The following DLG2 variants were observed in gnomAD, a reference collection of about 807,000 sequenced individuals.
DLG2 encodes discs large MAGUK scaffold protein 2.
DLG2 carries 45 observed loss-of-function variants against 132.5 expected under a neutral mutation model. That is an observed-to-expected ratio of 0.34 (90% CI 0.27 to 0.44). The LOEUF (loss-of-function observed/expected upper bound fraction) is 0.44, where lower values mean the gene tolerates loss of function less well. Among genes scored for constraint, DLG2 ranks in the 20% least tolerant of loss-of-function variants. The pLI is 1.00. For missense variants in DLG2, 1,045 were observed against 1,196.9 expected, an observed-to-expected ratio of 0.87 and a Z score of 1.87; for synonymous variants, 424 against 419.6, an observed-to-expected ratio of 1.01 and a Z score of -0.13.
intron 12 of DLG2, among the ~76,000 whole-genome samples, chr11:83,979,216 G>A (rs886977175): frequency 1.3e-5 from 2 of 152,086 alleles, no homozygotes; most frequent in East Asian, 3.9e-4. Context: ...AAAGCTGAGG[G>A]AAGTAGGCAA....
At chr11:84,393,802 CTTAGTCAA>C (rs1378341224) in intron 7 of DLG2, among the ~76,000 whole-genome samples, 1 of 152,134 alleles carries the variant, frequency 6.6e-6, no homozygotes, top group East Asian at 1.9e-4. Flanking sequence ...AAATTCTAAA[CTTAGTCAA>C]TTTTACTCTC....
At chr11:83,905,005 T>C (rs1050348325) in intron 15 of DLG2, among the ~76,000 whole-genome samples, 2 of 152,196 alleles carry the variant, frequency 1.3e-5, no homozygotes, top group South Asian at 2.1e-4. Context: ...AGGTCCTTCA[T>C]TGTTCTTGAC....
rs572657772 is a variant in DLG2 at position 83,909,844 on chromosome 11, G to T, written c.1496+20484C>A. Among the ~76,000 whole-genome samples the T allele has an allele frequency of 3.0e-4, 45 of 152,208 alleles. No individual in the cohort carries two copies. In the South Asian group the frequency reaches 8.7e-3, roughly 29 times the overall value. On this transcript the variant is annotated intron_variant, in intron 15 of 27. Transcript: ENST00000376104. The stretch of plus-strand genomic sequence containing the variant: ...TTATCTTCTGTTCCAATCTTCCTCT[G>T]AGACATTTGATACAGGTCAATACAA...
intron 1 of DLG2, among the ~76,000 whole-genome samples, chr11:85,626,955 T>C (rs1488352440): frequency 6.6e-6 from 1 of 152,200 alleles, no homozygotes; most frequent in African/African-American, 2.4e-5. Flanking sequence ...AGCAACATTT[T>C]TGGAAGTTCA....
chr11:83,473,028 CTTCT>C (rs1197813451), intron 22 of DLG2, among the ~76,000 whole-genome samples: 1 of 152,090 alleles, frequency 6.6e-6, no homozygotes, highest in African/African-American at 2.4e-5. Context: ...ACCTGTGAGA[CTTCT>C]TTCTGTCTGG....
chr11:84,323,461 T>C (rs530630747), intron 7 of DLG2, among the ~76,000 whole-genome samples: 2 of 152,314 alleles, frequency 1.3e-5, no homozygotes, highest in Admixed American at 1.3e-4. Context: ...ATTTAGGTTG[T>C]TTCTACCTCT....
chr11:84,445,311 C>T (rs2099030259), intron 7 of DLG2, among the ~76,000 whole-genome samples: 1 of 152,076 alleles, frequency 6.6e-6, no homozygotes. Flanking sequence ...AATAGTCTTT[C>T]TGCAAAAATC....
At chr11:84,944,154 C>T (rs1177078178) in intron 6 of DLG2, among the ~76,000 whole-genome samples, 2 of 151,890 alleles carry the variant, frequency 1.3e-5, no homozygotes, top group Non-Finnish European at 1.5e-5. Flanking sequence ...CTTTTAGGAT[C>T]CTTTCTTTAT....
At chr11:83,584,263 T>C (rs1305471373) in intron 19 of DLG2, among the ~76,000 whole-genome samples, 1 of 152,186 alleles carries the variant, frequency 6.6e-6, no homozygotes, top group Non-Finnish European at 1.5e-5. Context: ...GTGCTAAGCA[T>C]GTAGTAGTGT....
intron 6 of DLG2, among the ~76,000 whole-genome samples, chr11:84,681,273 C>T (rs2099729218): frequency 6.6e-6 from 1 of 152,078 alleles, no homozygotes; most frequent in Admixed American, 6.5e-5. Context: ...ATAAGTGTTA[C>T]CAAAGAATAT....
chr11:85,103,459 A>G (rs541700766), intron 6 of DLG2, among the ~76,000 whole-genome samples: 3 of 152,084 alleles, frequency 2.0e-5, no homozygotes, highest in African/African-American at 7.2e-5. Flanking sequence ...TTATACTTAC[A>G]GTCAGTTGAT....
intron 11 of DLG2, among the ~76,000 whole-genome samples, chr11:84,007,905 A>C (rs1032786210): frequency 2.6e-5 from 4 of 151,832 alleles, no homozygotes; most frequent in Admixed American, 2.6e-4. Context: ...ACCACACAGT[A>C]TAAGTTCCAG....
chr11:83,651,953 A>G, intron 18 of DLG2: 1 of 439,140 alleles, frequency 2.3e-6, no homozygotes, highest in Non-Finnish European at 4.8e-6. Context: ...TAAGAAACAA[A>G]TCACCTGAAA....
chr11:84,443,080 C>G (rs1438119860), intron 7 of DLG2, among the ~76,000 whole-genome samples: 1 of 152,126 alleles, frequency 6.6e-6, no homozygotes, highest in African/African-American at 2.4e-5. Flanking sequence ...CCCACTAACT[C>G]TAATTATAAA....
intron 15 of DLG2, among the ~76,000 whole-genome samples, chr11:83,927,301 T>C (rs2079158031): frequency 6.6e-6 from 1 of 152,150 alleles, no homozygotes; most frequent in Non-Finnish European, 1.5e-5. Flanking sequence ...GATACAGTCA[T>C]GAAAATCACA....
intron 8 of DLG2, among the ~76,000 whole-genome samples, chr11:84,164,202 A>G (rs1439268205): frequency 1.3e-5 from 2 of 152,236 alleles, no homozygotes; most frequent in Non-Finnish European, 2.9e-5. Context: ...TACATTTTAA[A>G]TACAGCCAGG....
intron 18 of DLG2, among the ~76,000 whole-genome samples, chr11:83,742,052 A>G (rs1194168006): frequency 6.6e-6 from 1 of 152,188 alleles, no homozygotes. Context: ...CACAAGGAGT[A>G]TGTGCCTTTT....
intron 6 of DLG2, among the ~76,000 whole-genome samples, chr11:84,907,134 A>G (rs2091602181): frequency 6.6e-6 from 1 of 152,190 alleles, no homozygotes; most frequent in Admixed American, 6.5e-5. Context: ...AGACTGCATG[A>G]ATCATGGCTT....
At chr11:84,743,788 G>A (rs999917561) in intron 6 of DLG2, among the ~76,000 whole-genome samples, 10 of 151,718 alleles carry the variant, frequency 6.6e-5, no homozygotes, top group Non-Finnish European at 1.3e-4. Context: ...GCAGTGGCAC[G>A]ATCTTGGCTC....
Sources: allele counts gnomAD v4.1 joint callset (sites outside exome capture counted in the v4.1 genomes callset), GRCh38; gene constraint gnomAD v4.1.1; transcripts MANE v1.5; gene names NCBI Gene and HGNC (gene_info 2026-07-23, HGNC 2026-07-21).